Variants in CHD8 observed in about 807,000 individuals in gnomAD.
CHD8 encodes chromodomain helicase DNA binding protein 8.
In CHD8, 31 loss-of-function variants were observed where a neutral mutation model predicts 279.2. That is an observed-to-expected ratio of 0.11 (90% confidence interval 0.08 to 0.15). CHD8 has a LOEUF of 0.15. Ranked by LOEUF, CHD8 falls within the 10% of genes least tolerant of loss-of-function variation. The pLI, the probability that CHD8 is intolerant of heterozygous loss-of-function variation, is 1.00. For synonymous variants in CHD8, 1,081 were observed against 1,139.6 expected (o/e 0.95, Z 1.04); for missense variants, 2,146 against 3,230.5 (o/e 0.66, Z 8.14).
rs1889801205 is a variant in CHD8, at chr14:21,436,872, TG to T, written c.-215-5015del. ...GATGGAGAGGAAAACGCGACTGGGG[TG>T]GGGGTGGGGGGGACCCGGGTACATT... On this transcript the variant is annotated intron_variant, in intron 1 of 37. Coordinates refer to ENST00000646647, the MANE Select transcript of CHD8 (RefSeq NM_001170629.2). The T allele has an allele frequency of 5.9e-6, 4 of 676,468 alleles. No homozygotes were observed. In the Admixed American group the frequency reaches 1.7e-4, roughly 28 times the overall value. 41.9% of individuals were successfully genotyped at this position (676,468 alleles called of 1,614,324 possible).
rs1408852079 is a variant in CHD8, at chr14:21,394,378, G to A, written c.5498C>T (p.Ala1833Val). The A allele has an allele frequency of 3.7e-6, 6 of 1,613,826 alleles. No homozygotes were observed. The Admixed American group carries it at 1.0e-4, about 27-fold the overall frequency. Residue 1833 changes from alanine to valine, a missense_variant, in exon 31 of 38, where the codon GCT (alanine) becomes GTT (valine). This residue lies in a region of CHD8 where 513 missense variants were observed against 637.6 expected (regional missense o/e 0.80). Transcript: ENST00000646647. ...TTCATCTGTCTTTTTGTCTAGTCGA[G>A]CAAAAGTGCGGAAGCGATCCCAATG... ...QFHWDRFRTF[A>V]RLDKKTDESL...
intron 27 of CHD8, chr14:21,396,947 A>C (rs911566148): frequency 6.2e-6 from 1 of 162,392 alleles, no homozygotes; most frequent in African/African-American, 2.4e-5. Context: ...TATAGCATCC[A>C]ATGGAATACA....
Position 21,408,821 on chromosome 14 carries a change from C to T in CHD8, c.2369G>A (p.Arg790His), listed in dbSNP as rs769243605. ...TTTCTTCCAGGCACTTGCCTGCGGA[C>T]GATTCTAAAAAACAAGACGTTTGAA... Reference protein sequence around the residue: ...SRHPELKRVNRPQASAWKKLE... With the variant: ...SRHPELKRVNHPQASAWKKLE... The change falls in exon 12 of 38, where the codon CGT (arginine) becomes CAT (histidine). Residue 790 changes from arginine to histidine, a missense_variant. This residue lies in a region of CHD8 where 211 missense variants were observed against 464.7 expected (regional missense o/e 0.45). Transcript: ENST00000646647. This position sits in a 1 kb window ranked among gnomAD's most constrained non-coding sequence, Gnocchi z 4.3. The T allele has an allele frequency of 3.2e-5, 52 of 1,605,962 alleles. No individual in the cohort carries two copies. The highest frequency in any genetic ancestry group is 1.0e-4 in the South Asian group (9 of 89,536).
chr14:21,407,824 G>A (rs1049711850), intron 13 of CHD8, among the ~76,000 whole-genome samples: 3 of 152,006 alleles, frequency 2.0e-5, no homozygotes, highest in African/African-American at 4.8e-5. Context: ...GGCCAGGCTG[G>A]TCTAGAACTC....
At chr14:21,427,751 C>T in intron 4 of CHD8, 118 bp downstream of exon 4, 1 of 1,523,836 alleles carries the variant, frequency 6.6e-7, no homozygotes, top group South Asian at 1.3e-5. Context: ...TTGCTCTTGC[C>T]CTTTGTTTTG....
intron 27 of CHD8, chr14:21,397,151 G>T: frequency 3.7e-6 from 1 of 268,074 alleles, no homozygotes; most frequent in Non-Finnish European, 7.9e-6. Context: ...CAGACAGGTG[G>T]CATAAACGAT....
Position 21,406,880 on chromosome 14 carries a change from A to G in CHD8, c.2883T>C (p.Leu961=). The G allele has an allele frequency of 1.9e-6, 3 of 1,613,602 alleles. No homozygotes were observed. Among genetic ancestry groups the G allele is most frequent in the Non-Finnish European group, 2.5e-6 (3 of 1,179,730 alleles). The part of the protein sequence containing the change: ...HRLKNRNCKL[L]DSLKHMDLEH... Reference sequence around the variant, plus strand: ...CCAGGTCCATGTGCTTGAGACTATCAAGCAGCTTGCAATTACGGTTTTTCA... The same window carrying G: ...CCAGGTCCATGTGCTTGAGACTATCGAGCAGCTTGCAATTACGGTTTTTCA... The change falls in exon 14 of 38, where the codon CTT becomes CTC. Residue 961 remains leucine (L), a synonymous_variant. Coordinates refer to ENST00000646647, the MANE Select transcript of CHD8 (RefSeq NM_001170629.2).
rs1889565495 is a variant in CHD8, at chr14:21,431,571, A to G, written c.73T>C (p.Phe25Leu). Residue 25 changes from phenylalanine (F) to leucine (L), a missense_variant, in exon 2 of 38, where the codon TTT becomes CTT. By Grantham distance (22) the Phe-to-Leu change is conservative (BLOSUM62 0). Around this residue, in one of 26 missense-constraint regions of CHD8, gnomAD observed 302 missense variants for 325.5 expected, o/e 0.93. Coordinates refer to ENST00000646647, the MANE Select transcript of CHD8 (RefSeq NM_001170629.2). ...FGLDSLTDDS[F>L]NQVTQDPIEE... is the part of the protein sequence containing the mutation. ...ATGGGGTCTTGTGTGACCTGGTTAA[A>G]GCTGTCATCAGTCAGAGAGTCCAGG... is the stretch of plus-strand genomic sequence containing the variant. The G allele has an allele frequency of 2.0e-6, 3 of 1,537,070 alleles. No individual in the cohort carries two copies. Among genetic ancestry groups the G allele is most frequent in the Non-Finnish European group, 2.6e-6 (3 of 1,146,900 alleles).
chr14:21,434,439 G>A (rs544114312), intron 1 of CHD8, among the ~76,000 whole-genome samples: 82 of 151,410 alleles, frequency 5.4e-4, no homozygotes, highest in Non-Finnish European at 1.1e-3. Flanking sequence ...CTTGCTATTT[G>A]TTAATTCTAA....
In CHD8 at chr14:21,431,348, G is replaced by C; in HGVS notation, c.296C>G (p.Pro99Arg). The C allele has an allele frequency of 6.5e-7, 1 of 1,538,430 alleles. No individual in the cohort carries two copies. The highest frequency in any genetic ancestry group is 8.7e-7 in the Non-Finnish European group (1 of 1,147,588). ...SITLHDYTTQPASQEQPAQPV... is the reference protein window; with the variant it reads ...SITLHDYTTQRASQEQPAQPV... ...TTGGGCTGGCTGCTCCTGGCTGGCA[G>C]GCTGAGTGGTATAATCATGCAAGGT... The change falls in exon 2 of 38, where the codon CCT becomes CGT. Residue 99 changes from proline (P) to arginine (R), a missense_variant. Physicochemically the swap from Pro to Arg is moderately radical, Grantham distance 103. Around this residue, in one of 26 missense-constraint regions of CHD8, gnomAD observed 302 missense variants for 325.5 expected, o/e 0.93. Transcript: ENST00000646647.
rs754103084 is a variant in CHD8 at position 21,400,659 on chromosome 14, C to T, written c.4371-47G>A. On this transcript the variant is annotated intron_variant, in intron 22 of 37. Transcript: ENST00000646647. This position sits in a 1 kb window ranked among gnomAD's most constrained non-coding sequence, Gnocchi z 4.2. Reference sequence around the variant, plus strand: ...TAACATTTTTCTGAGAAATGACAGTCCCCTGTCCCTCAGAATCATGTCTCT... The same window carrying T: ...TAACATTTTTCTGAGAAATGACAGTTCCCTGTCCCTCAGAATCATGTCTCT... The T allele has an allele frequency of 6.8e-7, 1 of 1,469,512 alleles. No homozygotes were observed. The highest frequency in any genetic ancestry group is 9.1e-7 in the Non-Finnish European group (1 of 1,099,448). 91.0% of individuals were successfully genotyped at this position (1,469,512 alleles called of 1,614,324 possible).
chr14:21,406,577 AGTT>A lies in CHD8; in HGVS notation c.2907+276_2907+278del, dbSNP rs1316456542. Among the ~76,000 whole-genome samples the A allele has an allele frequency of 9.2e-5, 14 of 152,342 alleles. No individual in the cohort carries two copies. In the East Asian group the frequency reaches 1.7e-3, roughly 19 times the overall value. Reference sequence around the variant, plus strand: ...TGAGCTAGAAGATCATGAAAAATATAGTTGTTGTAGGACATTAAGTTTTGGAGT... The same window carrying A: ...TGAGCTAGAAGATCATGAAAAATATAGTTGTAGGACATTAAGTTTTGGAGT... On this transcript the variant is annotated intron_variant, in intron 14 of 37. Coordinates refer to ENST00000646647, the MANE Select transcript of CHD8 (RefSeq NM_001170629.2).
In CHD8 at chr14:21,415,739, T is replaced by C. The variant is rs757161902; in HGVS notation, c.1885A>G (p.Met629Val). The change falls in exon 6 of 38, where the codon ATG becomes GTG. Residue 629 changes from methionine to valine, a missense_variant. This residue lies in a region of CHD8 where 24 missense variants were observed against 56.7 expected (regional missense o/e 0.42). Coordinates refer to ENST00000646647, the MANE Select transcript of CHD8 (RefSeq NM_001170629.2). ...TTACAGCTTACCACAAAGAACTGCA[T>C]GGAAGGCAAAGTCTCGCCATCTGGT... ...QEPDGETLPS[M>V]QFFVENPSEE... 9.3e-6 allele frequency: 15 copies of C among 1,613,822 alleles called. No individual in the cohort carries two copies. The highest frequency in any genetic ancestry group is 8.0e-5 in the African/African-American group (6 of 74,928).
chr14:21,386,331 A>T lies in CHD8; in HGVS notation c.7183-155T>A, dbSNP rs114865139. ...GCGATACTAGGCTTGATTGGTGGTAATGGGAAGGAGGAAATGCTGGACTTA... is the reference window on the plus strand; with the variant it reads ...GCGATACTAGGCTTGATTGGTGGTATTGGGAAGGAGGAAATGCTGGACTTA... On this transcript the variant is annotated intron_variant, in intron 37 of 37. Coordinates refer to ENST00000646647, the MANE Select transcript of CHD8 (RefSeq NM_001170629.2). 1.7e-3 allele frequency: 1,135 copies of T among 660,222 alleles called. 10 individuals are homozygous for T. The African/African-American group carries it at 0.018, about 11-fold the overall frequency. 40.9% of individuals were successfully genotyped at this position (660,222 alleles called of 1,614,324 possible).
chr14:21,438,186 G>A (rs370465477), intron 1 of CHD8, among the ~76,000 whole-genome samples: 1 of 151,696 alleles, frequency 6.6e-6, no homozygotes, highest in Non-Finnish European at 1.5e-5. Context: ...TCAGCCTCCC[G>A]AATAGCTGGG....
chr14:21,437,963 G>T (rs887746871), intron 1 of CHD8, among the ~76,000 whole-genome samples: 1 of 152,116 alleles, frequency 6.6e-6, no homozygotes, highest in African/African-American at 2.4e-5. Flanking sequence ...CTTTTAATCA[G>T]TGTCCACTTT....
intron 1 of CHD8, among the ~76,000 whole-genome samples, chr14:21,451,293 G>A (rs1890248871): frequency 6.6e-6 from 1 of 152,014 alleles, no homozygotes; most frequent in African/African-American, 2.4e-5. Flanking sequence ...TTATCGGCTG[G>A]GTGCGGTAGC....
intron 1 of CHD8, among the ~76,000 whole-genome samples, chr14:21,441,757 T>A (rs150214617): frequency 1.3e-5 from 2 of 151,942 alleles, no homozygotes; most frequent in Non-Finnish European, 2.9e-5. Context: ...GGCGTGGTGG[T>A]GGGCACCTGT....
chr14:21,425,390 T>A (rs959446798), intron 5 of CHD8: 1 of 149,682 alleles, frequency 6.7e-6, no homozygotes, highest in South Asian at 2.1e-4. Flanking sequence ...AATGGTACAA[T>A]CTCGGCTCAC....
Sources: gnomAD v4.1 joint callset for allele counts (sites outside exome capture counted in the v4.1 genomes callset) on GRCh38, gnomAD v4.1.1 for gene constraint, gnomAD v4.1.1 regional missense constraint, Gnocchi (gnomAD v3.1) non-coding constraint, MANE v1.5 for transcripts, NCBI Gene and HGNC (gene_info 2026-07-23, HGNC 2026-07-21) for gene names.